HNRNPLL: variants seen among roughly 807,000 people sequenced by gnomAD.
HNRNPLL encodes heterogeneous nuclear ribonucleoprotein L like.
Under a neutral mutation model 67.1 loss-of-function variants are expected in HNRNPLL, and 25 were observed. The observed-to-expected ratio is 0.37, with a 90% CI of 0.27 to 0.52. The LOEUF (loss-of-function observed/expected upper bound fraction) is 0.52, where lower values mean the gene tolerates loss of function less well. Among genes scored for constraint, HNRNPLL ranks in the 20% least tolerant of loss-of-function variants. HNRNPLL has a pLI of 0.90. For synonymous variants in HNRNPLL, 267 were observed against 241.7 expected (o/e 1.10, Z -0.97); for missense variants, 542 against 673.9 (o/e 0.80, Z 2.17).
intron 2 of HNRNPLL, among the ~76,000 whole-genome samples, chr2:38,586,275 C>G (rs1035088022): frequency 6.6e-6 from 1 of 152,154 alleles, no homozygotes; most frequent in South Asian, 2.1e-4. Context: ...CCCACCTCGG[C>G]CTCCCAAAGT....
chr2:38,595,028 G>A (rs1312773364), intron 1 of HNRNPLL, among the ~76,000 whole-genome samples: 1 of 151,876 alleles, frequency 6.6e-6, no homozygotes, highest in African/African-American at 2.4e-5. Context: ...TGTAATCCTA[G>A]CACTCTGGGA....
At position 38,582,065 on chromosome 2, in the gene HNRNPLL, T is replaced by TAA. The variant is rs1666550020; in HGVS notation, c.729+6_729+7insTT. ...TTCTTGGGTAGGGTGTTGAAAAAAA[T>TAA]ATTTACCCGTGCATATTCAATTTTT... On this transcript the variant is annotated splice_region_variant and intron_variant, in intron 5 of 12. Coordinates refer to ENST00000449105, the MANE Select transcript of HNRNPLL (RefSeq NM_138394.4). 1 of 1,610,442 alleles carries TAA rather than the reference T, an allele frequency of 6.2e-7. No homozygotes were observed. Among genetic ancestry groups the TAA allele is most frequent in the African/African-American group, 1.3e-5 (1 of 74,814 alleles).
intron 1 of HNRNPLL, among the ~76,000 whole-genome samples, chr2:38,599,422 T>G (rs1163148417): frequency 6.6e-6 from 1 of 152,178 alleles, no homozygotes; most frequent in Non-Finnish European, 1.5e-5. Context: ...ATACAGAAAC[T>G]TAATATGATC....
At chr2:38,570,962 T>C (rs1666054542) in intron 8 of HNRNPLL, among the ~76,000 whole-genome samples, 2 of 152,094 alleles carry the variant, frequency 1.3e-5, no homozygotes, top group Non-Finnish European at 2.9e-5. Flanking sequence ...GCAGGACTGC[T>C]TGTGCCCAAG....
At position 38,584,124 on chromosome 2, in the gene HNRNPLL, C is replaced by T. The variant is rs188191300; in HGVS notation, c.547-198G>A. 4.1e-3 allele frequency among the ~76,000 whole-genome samples: 621 copies of T among 152,224 alleles called. 1 individual carries two copies. The highest frequency in any genetic ancestry group is 6.8e-3 in the Non-Finnish European group (460 of 68,008). ...TTGCCTAGGCTAGAGTGCAGTGGCA[C>T]GATCACAGTTCCCTACAGCCCTGAC... On this transcript the variant is annotated intron_variant, in intron 3 of 12. Coordinates refer to ENST00000449105, the MANE Select transcript of HNRNPLL (RefSeq NM_138394.4).
chr2:38,582,296 A>C, intron 4 of HNRNPLL, 128 bp from the exon 5 acceptor site: 1 of 714,098 alleles, frequency 1.4e-6, no homozygotes, highest in Non-Finnish European at 2.4e-6. Context: ...CAATTTCAGG[A>C]TGAATTTTAA....
intron 1 of HNRNPLL, among the ~76,000 whole-genome samples, chr2:38,600,473 T>C (rs1249656363): frequency 1.3e-5 from 2 of 152,040 alleles, no homozygotes; most frequent in Non-Finnish European, 2.9e-5. Flanking sequence ...ACGGCTGTAA[T>C]CCCAGCACTT....
chr2:38,586,422 ATC>A (rs1287157795), intron 2 of HNRNPLL, among the ~76,000 whole-genome samples: 2 of 152,242 alleles, frequency 1.3e-5, no homozygotes, highest in Non-Finnish European at 2.9e-5. Flanking sequence ...AAAAACAATT[ATC>A]TGTTATTAGT....
chr2:38,593,501 GGAC>G (rs1276392417), intron 1 of HNRNPLL, among the ~76,000 whole-genome samples: 3 of 152,182 alleles, frequency 2.0e-5, no homozygotes, highest in African/African-American at 7.2e-5. Context: ...TAAAATAAAA[GGAC>G]GACAGAAAAC....
chr2:38,588,598 G>T (rs1209237702), intron 2 of HNRNPLL, among the ~76,000 whole-genome samples: 1 of 147,572 alleles, frequency 6.8e-6, no homozygotes, highest in Non-Finnish European at 1.5e-5. Context: ...TTAAAAGTGA[G>T]GGTTACCCAG....
chr2:38,565,528 G>A (rs1192532907), intron 12 of HNRNPLL, among the ~76,000 whole-genome samples: 1 of 151,876 alleles, frequency 6.6e-6, no homozygotes, highest in East Asian at 1.9e-4. Context: ...GGGCAACACA[G>A]CAGGATCCCT....
rs1461540332 is a variant in HNRNPLL at position 38,562,151 on chromosome 2, TAAGGA to T, written c.*2026_*2030del. The stretch of plus-strand genomic sequence containing the variant: ...GCACAGAGAAGAATGTTGCCAAGGC[TAAGGA>T]AAGAGAGAGTATTCACAAAGCAAAC... On this transcript the variant is annotated 3_prime_UTR_variant, in exon 13 of 13. Transcript: ENST00000449105. 1.3e-5 allele frequency: 2 copies of T among 152,174 alleles called. No individual in the cohort carries two copies. Among genetic ancestry groups the T allele is most frequent in the Admixed American group, 1.3e-4 (2 of 15,288 alleles). 9.4% of individuals were successfully genotyped at this position (152,174 alleles called of 1,614,324 possible). A position where few individuals can be genotyped will look rare whatever the true frequency, so the allele number is the denominator to read the frequency against.
intron 6 of HNRNPLL, among the ~76,000 whole-genome samples, chr2:38,580,661 TA>T (rs1666490577): frequency 6.6e-6 from 1 of 152,222 alleles, no homozygotes; most frequent in Admixed American, 6.5e-5. Flanking sequence ...CCCTTGTTTT[TA>T]CAAGATCCAC....
intron 7 of HNRNPLL, 47 bp downstream of exon 7, chr2:38,577,414 G>C (rs373571974): frequency 7.8e-6 from 9 of 1,152,088 alleles, no homozygotes; most frequent in Non-Finnish European, 1.1e-5. Context: ...AATGCAGCAA[G>C]TCAAACAGTT....
intron 2 of HNRNPLL, among the ~76,000 whole-genome samples, chr2:38,586,741 A>T (rs1006146295): frequency 1.3e-5 from 2 of 152,208 alleles, no homozygotes; most frequent in African/African-American, 4.8e-5. Flanking sequence ...TCCATAAAAA[A>T]TATTCATTAG....
intron 12 of HNRNPLL, among the ~76,000 whole-genome samples, chr2:38,567,633 C>T (rs1665921261): frequency 6.6e-6 from 1 of 152,134 alleles, no homozygotes; most frequent in Non-Finnish European, 1.5e-5. Context: ...CTGGTACTCC[C>T]ACCCTGTATA....
At position 38,564,002 on chromosome 2, in the gene HNRNPLL, A is replaced by T. The variant is rs1420592130; in HGVS notation, c.*180T>A. ...ATTATGATATTCTATCTTAAAATGA[A>T]AACAATTCAATATTTAAGCTTACAA... On this transcript the variant is annotated 3_prime_UTR_variant, in exon 13 of 13. Coordinates refer to ENST00000449105, the MANE Select transcript of HNRNPLL (RefSeq NM_138394.4). 7 of 561,064 alleles carry T rather than the reference A, an allele frequency of 1.2e-5. No homozygotes were observed. 34.8% of individuals were successfully genotyped at this position (561,064 alleles called of 1,614,324 possible). A position where few individuals can be genotyped will look rare whatever the true frequency, so the allele number is the denominator to read the frequency against.
chr2:38,601,815 G>T (rs937282296), intron 1 of HNRNPLL, among the ~76,000 whole-genome samples: 5 of 152,310 alleles, frequency 3.3e-5, no homozygotes, highest in African/African-American at 9.6e-5. Context: ...AACCGAAGAG[G>T]TAAAAAGTGT....
rs115286931 is a variant in HNRNPLL, at chr2:38,567,481, T to C, written c.1573+718A>G. ...AAGAAAAAAAGAACAAGACAAAAGG[T>C]TGGAGGTTGTAGAAAGCTTTAACTT... On this transcript the variant is annotated intron_variant, in intron 12 of 12. Coordinates refer to ENST00000449105, the MANE Select transcript of HNRNPLL (RefSeq NM_138394.4). 2.3e-3 allele frequency among the ~76,000 whole-genome samples: 345 copies of C among 152,278 alleles called. 1 individual carries two copies. Among genetic ancestry groups the C allele is most frequent in the African/African-American group, 8.0e-3 (334 of 41,548 alleles).
Sources: allele counts gnomAD v4.1 joint callset (sites outside exome capture counted in the v4.1 genomes callset), GRCh38; gene constraint gnomAD v4.1.1; transcripts MANE v1.5; gene names NCBI Gene and HGNC (gene_info 2026-07-23, HGNC 2026-07-21).